Variants in TG observed in about 807,000 individuals in gnomAD.
TG encodes the protein thyroglobulin.
Under a neutral mutation model 324.7 loss-of-function variants are expected in TG, and 270 were observed. That is an observed-to-expected ratio of 0.83 (90% CI 0.75 to 0.92). TG has a LOEUF of 0.92. TG is among the 40% of genes least tolerant of loss of function. The pLI is 0.00. For missense variants in TG, 3,591 were observed against 3,456.4 expected, an observed-to-expected ratio of 1.04 and a Z score of -0.98; for synonymous variants, 1,401 against 1,327.0, an observed-to-expected ratio of 1.06 and a Z score of -1.21.
At chr8:132,938,347 G>C (rs539404928) in intron 25 of TG, among the ~76,000 whole-genome samples, 4 of 152,230 alleles carry the variant, frequency 2.6e-5, no homozygotes, top group African/African-American at 4.8e-5. Context: ...GGGATGAGTC[G>C]TGGGGTCTCT....
chr8:133,002,380 A>G, intron 35 of TG: 1 of 985,494 alleles, frequency 1.0e-6, no homozygotes, highest in South Asian at 4.7e-5. Context: ...TTTCATAAAT[A>G]ATATCTGGCC....
chr8:132,908,890 T>G (rs1321004620), intron 18 of TG, among the ~76,000 whole-genome samples: 2 of 152,062 alleles, frequency 1.3e-5, no homozygotes, highest in African/African-American at 4.8e-5. Flanking sequence ...TGAGGGCCTG[T>G]GAGTTCTGGG....
chr8:132,970,222 A>T (rs1440040968), intron 32 of TG, among the ~76,000 whole-genome samples: 1 of 152,020 alleles, frequency 6.6e-6, no homozygotes, highest in Non-Finnish European at 1.5e-5. Context: ...TTATTTTTAA[A>T]ATTTATTTTA....
intron 5 of TG, among the ~76,000 whole-genome samples, chr8:132,878,412 T>C (rs1480932951): frequency 1.3e-5 from 2 of 151,966 alleles, no homozygotes; most frequent in Non-Finnish European, 2.9e-5. Flanking sequence ...GTCAGGAGAT[T>C]GACGCTATCC....
chr8:132,881,808 AG>A (rs1453985097), intron 5 of TG, 54 bp from the exon 6 acceptor site: 8 of 1,240,170 alleles, frequency 6.5e-6, no homozygotes, highest in Non-Finnish European at 9.5e-6. Flanking sequence ...CTACAGGAAA[AG>A]CTTGTGATGA....
At chr8:132,868,562 A>G (rs1317774397) in intron 2 of TG, among the ~76,000 whole-genome samples, 2 of 152,174 alleles carry the variant, frequency 1.3e-5, no homozygotes, top group African/African-American at 2.4e-5. Context: ...GGAGAGTGTC[A>G]AATGATCTGT....
intron 41 of TG, chr8:133,047,489 C>G (rs1564113938): frequency 3.1e-6 from 1 of 324,896 alleles, no homozygotes; most frequent in Non-Finnish European, 5.9e-6. Context: ...GAGCACAGCC[C>G]AGGCCCATAC....
chr8:133,050,379 C>G, intron 41 of TG: 1 of 280,890 alleles, frequency 3.6e-6, no homozygotes, highest in Non-Finnish European at 6.9e-6. Flanking sequence ...GGGCTTAGAA[C>G]TTCTGTCATG....
At chr8:133,099,954 C>A (rs1849001012) in intron 43 of TG, among the ~76,000 whole-genome samples, 1 of 152,146 alleles carries the variant, frequency 6.6e-6, no homozygotes, top group African/African-American at 2.4e-5. Flanking sequence ...CAGAGCAATC[C>A]CTTTATAAGT....
chr8:132,959,157 C>A (rs890836630), intron 27 of TG, among the ~76,000 whole-genome samples: 2 of 152,130 alleles, frequency 1.3e-5, no homozygotes, highest in African/African-American at 4.8e-5. Context: ...TTTGTCTCAC[C>A]TTTGTGTCCT....
At chr8:132,967,708 A>G (rs1564015865) in intron 30 of TG, 86 bp from the exon 31 acceptor site, 1 of 1,477,600 alleles carries the variant, frequency 6.8e-7, no homozygotes, top group African/African-American at 1.4e-5. Flanking sequence ...TCTACCAGGC[A>G]TTTCCCCACC....
At chr8:133,043,245 C>T (rs1006682848) in intron 41 of TG, among the ~76,000 whole-genome samples, 3 of 152,128 alleles carry the variant, frequency 2.0e-5, no homozygotes, top group Admixed American at 2.0e-4. Context: ...TATTTTTGGC[C>T]TGGTAGCCTC....
intron 38 of TG, 34 bp downstream of exon 38, chr8:133,018,031 C>A (rs1357317535): frequency 1.2e-6 from 2 of 1,600,600 alleles, no homozygotes; most frequent in Non-Finnish European, 1.7e-6. Flanking sequence ...TTGGTAAATG[C>A]TCAGAGAAAT....
intron 35 of TG, among the ~76,000 whole-genome samples, chr8:132,985,203 T>C (rs1831374344): frequency 6.6e-6 from 1 of 152,208 alleles, no homozygotes; most frequent in African/African-American, 2.4e-5. Context: ...GTGCGTCAAG[T>C]ACTACATTGA....
chr8:133,038,706 G>A, intron 41 of TG: 1 of 1,614,108 alleles, frequency 6.2e-7, no homozygotes, highest in South Asian at 1.1e-5. Context: ...ACCCCAAGCG[G>A]GTTCTCTGTT....
At chr8:133,051,779 T>G (rs1205397279) in intron 41 of TG, among the ~76,000 whole-genome samples, 6 of 152,200 alleles carry the variant, frequency 3.9e-5, no homozygotes, top group Non-Finnish European at 7.3e-5. Flanking sequence ...GATACATTTT[T>G]GGGGGAAATA....
intron 34 of TG, among the ~76,000 whole-genome samples, chr8:132,980,070 T>G (rs1006212233): frequency 6.6e-6 from 1 of 152,004 alleles, no homozygotes; most frequent in Non-Finnish European, 1.5e-5. Context: ...AAGGGGTGCA[T>G]AGGACAAGGG....
chr8:132,894,087 T>G (rs530239137), intron 11 of TG, among the ~76,000 whole-genome samples, 158 bp downstream of exon 11: 2 of 152,098 alleles, frequency 1.3e-5, no homozygotes, highest in African/African-American at 4.8e-5. Flanking sequence ...GGGGCACCAG[T>G]CAAAGCTGGA....
In TG at chr8:132,923,719, T is replaced by A. The variant is rs535451456; in HGVS notation, c.4699+211T>A. Among the ~76,000 whole-genome samples, 4 of 152,352 alleles carry A rather than the reference T, an allele frequency of 2.6e-5. No homozygotes were observed. In the South Asian group the frequency reaches 8.3e-4, roughly 32 times the overall value. On this transcript the variant is annotated intron_variant, in intron 22 of 47. Coordinates refer to ENST00000220616, the MANE Select transcript of TG (RefSeq NM_003235.5). ...TTGTTAACATTTCACTCTCTCTTTT[T>A]TGGAATCATTTGGTATGTAAATTCC... is the stretch of plus-strand genomic sequence containing the variant.
Sources: gnomAD v4.1 joint callset for allele counts (sites outside exome capture counted in the v4.1 genomes callset) on GRCh38, gnomAD v4.1.1 for gene constraint, MANE v1.5 for transcripts, NCBI Gene and HGNC (gene_info 2026-07-23, HGNC 2026-07-21) for gene names.